The following RBL1 variants were observed in gnomAD, a reference collection of about 807,000 sequenced individuals.
The protein encoded by RBL1 is retinoblastoma-like protein 1.
In RBL1, 82 loss-of-function variants were observed where a neutral mutation model predicts 123.0. The observed-to-expected ratio is 0.67, with a 90% CI of 0.56 to 0.80. The LOEUF (loss-of-function observed/expected upper bound fraction) is 0.80. Among genes scored for constraint, RBL1 ranks in the 30% least tolerant of loss-of-function variants. The probability of loss-of-function intolerance (pLI) is 0.00; values close to 1 mark genes in which losing one functional copy is unlikely to be tolerated. For synonymous variants in RBL1, 405 were observed against 441.3 expected (o/e 0.92, Z 1.03); for missense variants, 1,171 against 1,299.6 (o/e 0.90, Z 1.52).
chr20:37,016,756 A>G lies in RBL1; in HGVS notation c.2722+1523T>C, dbSNP rs546239827. Among the ~76,000 whole-genome samples the G allele has an allele frequency of 3.6e-4, 54 of 151,378 alleles. No individual in the cohort carries two copies. The South Asian group carries it at 0.011, about 30-fold the overall frequency. ...AGCCTGGGCAACATGGCAAAATCCC[A>G]CCTCTACAAAAAATTAGTTGGGTGT... On this transcript the variant is annotated intron_variant, in intron 19 of 21. Coordinates refer to ENST00000373664, the MANE Select transcript of RBL1 (RefSeq NM_002895.5).
chr20:37,054,992 T>G (rs947716314), intron 11 of RBL1, among the ~76,000 whole-genome samples: 28 of 151,886 alleles, frequency 1.8e-4, no homozygotes, highest in African/African-American at 6.3e-4. Flanking sequence ...TCTATTACAA[T>G]AGTTACGCAG....
intron 7 of RBL1, among the ~76,000 whole-genome samples, chr20:37,064,825 A>G (rs1798335938): frequency 2.0e-5 from 3 of 151,280 alleles, no homozygotes; most frequent in African/African-American, 7.3e-5. Context: ...GGCCAGGCTG[A>G]TCTCTGGCCA....
intron 21 of RBL1, among the ~76,000 whole-genome samples, chr20:37,002,115 C>G (rs570832526): frequency 2.0e-5 from 3 of 152,158 alleles, no homozygotes; most frequent in African/African-American, 7.2e-5. Flanking sequence ...TCACTGCAAG[C>G]TCTGCCTCCT....
At chr20:37,073,417 G>A (rs1423109434) in intron 2 of RBL1, among the ~76,000 whole-genome samples, 2 of 152,162 alleles carry the variant, frequency 1.3e-5, no homozygotes, top group Non-Finnish European at 2.9e-5. Context: ...ATATGCTACT[G>A]CTGGGTGTGG....
chr20:37,051,975 G>A (rs535494847), intron 11 of RBL1, among the ~76,000 whole-genome samples: 11 of 151,754 alleles, frequency 7.2e-5, no homozygotes, highest in Non-Finnish European at 1.6e-4. Context: ...TAAACATCAG[G>A]TAGATGCAAA....
At position 37,022,923 on chromosome 20, in the gene RBL1, T is replaced by C. The variant is rs1600481403; in HGVS notation, c.2383-97A>G. On this transcript the variant is annotated intron_variant, in intron 16 of 21. Coordinates refer to ENST00000373664, the MANE Select transcript of RBL1 (RefSeq NM_002895.5). ...GACCAAGATTAAAAAACATAGGCTG[T>C]TGATATACTAAATTAAATAAAATTT... The C allele has an allele frequency of 2.3e-5, 21 of 899,010 alleles. No individual in the cohort carries two copies. The East Asian group carries it at 5.5e-4, about 23-fold the overall frequency. The allele number at this position is 899,010 out of a possible 1,614,324, so 55.7% of individuals were successfully genotyped here.
rs748837080 is a variant in RBL1 at position 37,032,773 on chromosome 20, T to C, written c.2274A>G (p.Leu758=). 6.2e-7 allele frequency: 1 copy of C among 1,614,064 alleles called. No homozygotes were observed. Among genetic ancestry groups the C allele is most frequent in the Admixed American group, 1.7e-5 (1 of 60,012 alleles). The change falls in exon 16 of 22, where the codon TTA becomes TTG. Residue 758 remains leucine (L), a synonymous_variant. Transcript: ENST00000373664. ...KSPVSLTAHS[L]IGASPKQTNL... Reference sequence around the variant, plus strand: ...TGGTCTGTTTTGGAGAAGCACCAATTAATGAATGAGCAGTAAGTGATACAG... The same window carrying C: ...TGGTCTGTTTTGGAGAAGCACCAATCAATGAATGAGCAGTAAGTGATACAG...
chr20:37,055,791 G>A, intron 10 of RBL1, 135 bp from the exon 11 acceptor site: 11 of 902,400 alleles, frequency 1.2e-5, no homozygotes, highest in Middle Eastern at 3.5e-4. Context: ...GCTCACGCCT[G>A]TAATCCTAGC....
intron 2 of RBL1, among the ~76,000 whole-genome samples, chr20:37,071,183 C>T (rs1455853174): frequency 6.6e-6 from 1 of 152,168 alleles, no homozygotes; most frequent in African/African-American, 2.4e-5. Flanking sequence ...GCATGAACCA[C>T]TGCACTCGGC....
intron 2 of RBL1, among the ~76,000 whole-genome samples, chr20:37,085,124 T>TTTCTTTTC (rs1465652101): frequency 1.3e-5 from 2 of 151,126 alleles, no homozygotes; most frequent in African/African-American, 2.4e-5. Flanking sequence ...ACGTTTTTCT[T>TTTCTTTTC]TTCTTTTCTT....
chr20:37,061,233 G>A lies in RBL1; in HGVS notation c.1120C>T (p.Arg374Trp), dbSNP rs1443927234. The change falls in exon 9 of 22, where the codon CGG becomes TGG. Residue 374 changes from arginine (R) to tryptophan (W), a missense_variant. Physicochemically the swap from Arg to Trp is moderately radical, Grantham distance 101. Coordinates refer to ENST00000373664, the MANE Select transcript of RBL1 (RefSeq NM_002895.5). ...SFAPSTPLTG[R>W]RYLREKEAVI... The stretch of plus-strand genomic sequence containing the variant: ...GCTTCTTTTTCTCGTAAATATCTCC[G>A]TCCGGTCAGTGGGGTAGAAGGTGCA... 13 of 1,613,744 alleles carry A rather than the reference G, an allele frequency of 8.1e-6. No individual in the cohort carries two copies. Among genetic ancestry groups the A allele is most frequent in the Admixed American group, 3.3e-5 (2 of 59,962 alleles).
At chr20:37,042,682 C>T (rs759629598) in intron 13 of RBL1, among the ~76,000 whole-genome samples, 6 of 151,686 alleles carry the variant, frequency 4.0e-5, no homozygotes, top group Non-Finnish European at 5.9e-5. Flanking sequence ...GTGGGAGGAT[C>T]GCTTGAGCCC....
chr20:37,046,400 T>A (rs1368678058), intron 12 of RBL1, among the ~76,000 whole-genome samples: 1 of 152,024 alleles, frequency 6.6e-6, no homozygotes, highest in Non-Finnish European at 1.5e-5. Flanking sequence ...ACCTTCTCTC[T>A]CTCTTTTTTT....
chr20:37,056,868 CTT>C (rs1001813409), intron 9 of RBL1, among the ~76,000 whole-genome samples: 1 of 152,032 alleles, frequency 6.6e-6, no homozygotes. Context: ...AGTATTTTGT[CTT>C]TTTGTGATTG....
At chr20:37,076,001 T>C (rs1353821682) in intron 2 of RBL1, among the ~76,000 whole-genome samples, 1 of 152,218 alleles carries the variant, frequency 6.6e-6, no homozygotes, top group Non-Finnish European at 1.5e-5. Context: ...ATTCTCTTTC[T>C]CATCACCTGC....
chr20:37,045,219 G>A (rs1217089673), intron 12 of RBL1, among the ~76,000 whole-genome samples: 3 of 151,916 alleles, frequency 2.0e-5, no homozygotes, highest in Non-Finnish European at 4.4e-5. Context: ...CGATTCTCCT[G>A]CCTCAGCCTC....
intron 2 of RBL1, among the ~76,000 whole-genome samples, chr20:37,084,727 G>GA (rs2065512618): frequency 6.6e-6 from 1 of 151,906 alleles, no homozygotes; most frequent in South Asian, 2.1e-4. Flanking sequence ...AAAATAAAAA[G>GA]AAAAAATACC....
intron 14 of RBL1, among the ~76,000 whole-genome samples, chr20:37,036,582 A>T (rs1419118521): frequency 6.7e-6 from 1 of 149,120 alleles, no homozygotes; most frequent in Admixed American, 6.7e-5. Context: ...ATTTATTTTT[A>T]CATTCACTAG....
intron 12 of RBL1, 145 bp from the exon 13 acceptor site, chr20:37,044,395 T>C: frequency 1.4e-6 from 1 of 720,146 alleles, no homozygotes; most frequent in East Asian, 3.0e-5. Context: ...TGGAGTACAG[T>C]GGTGTGATCT....
Sources: gnomAD v4.1 joint callset for allele counts (sites outside exome capture counted in the v4.1 genomes callset) on GRCh38, gnomAD v4.1.1 for gene constraint, MANE v1.5 for transcripts, NCBI Gene and HGNC (gene_info 2026-07-23, HGNC 2026-07-21) for gene names.